CAPN6: variants seen among roughly 807,000 people sequenced by gnomAD.
CAPN6 encodes calpain-6.
A neutral mutation model predicts 46.0 loss-of-function variants in CAPN6; 16 were observed. The observed-to-expected ratio is 0.35, with a 90% confidence interval of 0.24 to 0.53. The LOEUF (loss-of-function observed/expected upper bound fraction) is 0.53. Ranked by LOEUF, CAPN6 falls within the 20% of genes least tolerant of loss-of-function variation. CAPN6 has a pLI of 0.94. For synonymous variants in CAPN6, 206 were observed against 172.8 expected, an observed-to-expected ratio of 1.19 and a Z score of -1.51; for missense variants, 461 against 498.0, an observed-to-expected ratio of 0.93 and a Z score of 0.71.
chrX:111,248,899 G>T, intron 9 of CAPN6, 36 bp downstream of exon 9: 1 of 1,208,730 alleles, frequency 8.3e-7, no homozygotes, highest in Non-Finnish European at 1.1e-6. Flanking sequence ...TACTCTGTTT[G>T]CCTTCATTCT....
At position 111,251,634 on chromosome X, in the gene CAPN6, C is replaced by T; in HGVS notation, c.808G>A (p.Glu270Lys). The T allele has an allele frequency of 8.3e-7, 1 of 1,207,528 alleles. No individual in the cohort carries two copies. Among genetic ancestry groups the T allele is most frequent in the Non-Finnish European group, 1.1e-6 (1 of 891,621 alleles). Residue 270 changes from glutamate (E) to lysine (K), a missense_variant, in exon 6 of 13, where the codon GAA becomes AAA. By Grantham distance (56) the Glu-to-Lys change is moderately conservative. Transcript: ENST00000324068. ...TACACCTTCTCAGCACTGAAGACTT[C>T]CACAAGTCTCTCTCCAAGACGAATT... ...RKIRLGERLV[E>K]VFSAEKVYMV...
At chrX:111,248,113 C>A in intron 10 of CAPN6, 121 bp from the exon 11 acceptor site, 1 of 647,861 alleles carries the variant, frequency 1.5e-6, no homozygotes, top group East Asian at 3.2e-5. Context: ...GCCCATTCCT[C>A]CTCAGATATG....
chrX:111,267,948 A>G (rs756572392), intron 1 of CAPN6, among the ~76,000 whole-genome samples: 21 of 112,432 alleles, frequency 1.9e-4, no homozygotes, highest in Non-Finnish European at 2.8e-4. Context: ...GTGAGAGAAA[A>G]GGGACTTGGA....
rs751348237 is a variant in CAPN6, at chrX:111,254,260, G to C, written c.297+12C>G. On this transcript the variant is annotated intron_variant, in intron 3 of 12. Coordinates refer to ENST00000324068, the MANE Select transcript of CAPN6 (RefSeq NM_014289.4). ...GTGGAAACTGAATGAGGTCCCACAG[G>C]AGGGATAATACCTTTGTCCAATGAG... 8.4e-7 allele frequency: 1 copy of C among 1,184,695 alleles called. No individual in the cohort carries two copies. Among genetic ancestry groups the C allele is most frequent in the Non-Finnish European group, 1.1e-6 (1 of 878,604 alleles).
intron 8 of CAPN6, among the ~76,000 whole-genome samples, chrX:111,250,698 T>G (rs1052671546): frequency 9.0e-6 from 1 of 111,464 alleles, no homozygotes; most frequent in South Asian, 3.8e-4. Flanking sequence ...GTGATTCAGA[T>G]TTGATACTGC....
intron 2 of CAPN6, among the ~76,000 whole-genome samples, chrX:111,258,743 C>T (rs1185519470): frequency 1.8e-5 from 2 of 112,049 alleles, no homozygotes; most frequent in Non-Finnish European, 3.8e-5. Context: ...GCCACCAAAT[C>T]ACTGTGTAAT....
intron 1 of CAPN6, among the ~76,000 whole-genome samples, chrX:111,265,430 G>T (rs757419728): frequency 8.9e-6 from 1 of 112,321 alleles, no homozygotes; most frequent in African/African-American, 3.2e-5. Context: ...TTTTAAAATT[G>T]AGAGCTGTGG....
At chrX:111,260,944 G>C (rs1205949646) in intron 2 of CAPN6, among the ~76,000 whole-genome samples, 2 of 112,707 alleles carry the variant, frequency 1.8e-5, no homozygotes, top group Non-Finnish European at 3.7e-5. Context: ...GGCCATGTCT[G>C]TGTCTTGCAC....
chrX:111,264,503 G>T (rs766281701), intron 1 of CAPN6, among the ~76,000 whole-genome samples: 3 of 111,186 alleles, frequency 2.7e-5, no homozygotes, highest in East Asian at 5.7e-4. Context: ...TTTATTATTG[G>T]CCAGGAAGAC....
rs375689593 is a variant in CAPN6, at chrX:111,251,115, G to A, written c.972-12C>T. 314 of 1,206,477 alleles carry A rather than the reference G, an allele frequency of 2.6e-4. No homozygotes were observed. Among genetic ancestry groups the A allele is most frequent in the Non-Finnish European group, 3.4e-4 (306 of 893,794 alleles). ...CCTCCAAGCTCATCCTGAATGGAAG[G>A]AGCACAGGAAAAAAATAAAGATGGT... On this transcript the variant is annotated splice_polypyrimidine_tract_variant and intron_variant, in intron 7 of 12. Coordinates refer to ENST00000324068, the MANE Select transcript of CAPN6 (RefSeq NM_014289.4).
intron 10 of CAPN6, 110 bp downstream of exon 10, chrX:111,248,459 T>G (rs2094976353): frequency 2.1e-5 from 12 of 575,865 alleles, no homozygotes; most frequent in Non-Finnish European, 3.5e-5. Flanking sequence ...CAAGTCTGAT[T>G]TAAACAAGTT....
chrX:111,256,260 G>C (rs188874164), intron 2 of CAPN6, among the ~76,000 whole-genome samples: 1 of 110,828 alleles, frequency 9.0e-6, no homozygotes, highest in Non-Finnish European at 1.9e-5. Flanking sequence ...TTAGCCAGGC[G>C]TGGTGGCAGG....
intron 11 of CAPN6, 38 bp downstream of exon 11, chrX:111,247,833 C>A (rs751607812): frequency 5.9e-6 from 7 of 1,192,451 alleles, no homozygotes; most frequent in Non-Finnish European, 7.9e-6. Flanking sequence ...ATAAATGCAA[C>A]TGAATTTTGC....
chrX:111,267,152 G>A (rs1289915252), intron 1 of CAPN6, among the ~76,000 whole-genome samples: 2 of 111,339 alleles, frequency 1.8e-5, no homozygotes, highest in African/African-American at 6.6e-5. Flanking sequence ...TAGGAAAGTC[G>A]GGAGACAAGA....
Position 111,253,179 on chromosome X carries a change from T to G in CAPN6, c.335A>C (p.Gln112Pro). 8.3e-7 allele frequency: 1 copy of G among 1,210,842 alleles called. No individual in the cohort carries two copies. Among genetic ancestry groups the G allele is most frequent in the Non-Finnish European group, 1.1e-6 (1 of 894,402 alleles). ...TATCCCAGCGTATTTTTCTGTTTTT[T>G]GAGGGTCCCATTCCTGTTCCTTATG... ...PNHKEQEWDP[Q>P]KTEKYAGIFH... Residue 112 changes from glutamine (Q) to proline (P), a missense_variant, in exon 4 of 13, where the codon CAA (glutamine) becomes CCA (proline). By Grantham distance (76) the Gln-to-Pro change is moderately conservative. Transcript: ENST00000324068.
intron 10 of CAPN6, among the ~76,000 whole-genome samples, chrX:111,248,216 G>A (rs764379970): frequency 2.7e-4 from 30 of 112,084 alleles, no homozygotes; most frequent in African/African-American, 9.7e-4. Flanking sequence ...CAAAAAGGTG[G>A]CTTTGGTGAT....
intron 1 of CAPN6, among the ~76,000 whole-genome samples, chrX:111,270,151 A>G (rs1486017971): frequency 4.5e-5 from 5 of 111,756 alleles, no homozygotes; most frequent in Middle Eastern, 4.7e-3. Flanking sequence ...AACCACAATC[A>G]TCACCCCACA....
At chrX:111,260,879 C>G (rs1429896063) in intron 2 of CAPN6, among the ~76,000 whole-genome samples, 1 of 112,711 alleles carries the variant, frequency 8.9e-6, no homozygotes, top group Non-Finnish European at 1.9e-5. Context: ...TCTTTTTTAA[C>G]TATTTGATAG....
At chrX:111,249,386 G>A (rs1452043027) in intron 8 of CAPN6, among the ~76,000 whole-genome samples, 1 of 110,410 alleles carries the variant, frequency 9.1e-6, no homozygotes, top group African/African-American at 3.3e-5. Flanking sequence ...TTATCCCTTT[G>A]TATTTAAATG....
Sources: gnomAD v4.1 joint callset for allele counts (sites outside exome capture counted in the v4.1 genomes callset) on GRCh38, gnomAD v4.1.1 for gene constraint, MANE v1.5 for transcripts, NCBI Gene and HGNC (gene_info 2026-07-23, HGNC 2026-07-21) for gene names.